LAPTM5: variants seen among roughly 807,000 people sequenced by gnomAD.
LAPTM5 encodes lysosomal protein transmembrane 5.
Under a neutral mutation model 30.1 loss-of-function variants are expected in LAPTM5, and 11 were observed. That is an observed-to-expected ratio of 0.37 (90% CI 0.23 to 0.60). LAPTM5 has a LOEUF of 0.60. LAPTM5 is among the 20% of genes least tolerant of loss of function. The probability of loss-of-function intolerance (pLI) is 0.71; values close to 1 mark genes in which losing one functional copy is unlikely to be tolerated. For missense variants in LAPTM5, 324 were observed against 332.5 expected, an observed-to-expected ratio of 0.97 and a Z score of 0.20; for synonymous variants, 151 against 137.9, an observed-to-expected ratio of 1.10 and a Z score of -0.67.
intron 1 of LAPTM5, among the ~76,000 whole-genome samples, chr1:30,749,679 G>A (rs1336609179): frequency 1.3e-5 from 2 of 152,166 alleles, no homozygotes; most frequent in Non-Finnish European, 2.9e-5. Flanking sequence ...GTAGGGGTCA[G>A]GGCGGGCTTC....
chr1:30,732,869 A>C lies in LAPTM5; in HGVS notation c.*959T>G, dbSNP rs1006819174. 2 of 152,286 alleles carry C rather than the reference A, an allele frequency of 1.3e-5. No individual in the cohort carries two copies. The highest frequency in any genetic ancestry group is 1.5e-5 in the Non-Finnish European group (1 of 68,098). The allele number at this position is 152,286 out of a possible 1,614,324, so 9.4% of individuals were successfully genotyped here. ...GATTCGCCTATGACTGAATCGACTG[A>C]ATGGATGGCCAGCGACAGCCTGGCC... On this transcript the variant is annotated 3_prime_UTR_variant, in exon 8 of 8. Transcript: ENST00000294507.
rs1441083805 is a variant in LAPTM5, at chr1:30,735,321, G to GC, written c.607-57dup. The GC allele has an allele frequency of 7.6e-6, 11 of 1,439,390 alleles. No individual in the cohort carries two copies. In the Admixed American group the frequency reaches 8.4e-5, roughly 11 times the overall value. The allele number at this position is 1,439,390 out of a possible 1,614,324, so 89.2% of individuals were successfully genotyped here. A position where few individuals can be genotyped will look rare whatever the true frequency, so the allele number is the denominator to read the frequency against. ...TGCTGAGCGTCCTTCTCACGCTCCA[G>GC]CAGGCCTAGGACATATGCCAGGCAG... On this transcript the variant is annotated intron_variant, in intron 6 of 7. Transcript: ENST00000294507.
chr1:30,746,224 T>G lies in LAPTM5; in HGVS notation c.88-3675A>C, dbSNP rs1200252809. The G allele has an allele frequency of 2.6e-5, 4 of 152,400 alleles. No individual in the cohort carries two copies. The highest frequency in any genetic ancestry group is 1.9e-4 in the East Asian group (1 of 5,184). The allele number at this position is 152,400 out of a possible 1,614,324, so 9.4% of individuals were successfully genotyped here. On this transcript the variant is annotated intron_variant, in intron 1 of 7. Coordinates refer to ENST00000294507, the MANE Select transcript of LAPTM5 (RefSeq NM_006762.3). The surrounding 1 kb of genome is among the most constrained non-coding windows in gnomAD (Gnocchi z 4.0). ...GACCCTCATTTTCCCCTGGGGCCAT[T>G]GGGATGACAGAACGCAGGAGGGTCA...
rs1352109008 is a variant in LAPTM5 at position 30,738,901 on chromosome 1, C to G, written c.510+39G>C. 7 of 1,573,194 alleles carry G rather than the reference C, an allele frequency of 4.4e-6. No individual in the cohort carries two copies. The South Asian group carries it at 8.1e-5, about 18-fold the overall frequency. On this transcript the variant is annotated intron_variant, in intron 5 of 7. Transcript: ENST00000294507. Reference sequence around the variant, plus strand: ...GTGAAGTAACCTGTTCAAGGCCACACAGCCAGCAAATGGGCATGGTTCCCT... The same window carrying G: ...GTGAAGTAACCTGTTCAAGGCCACAGAGCCAGCAAATGGGCATGGTTCCCT...
At chr1:30,749,635 C>T (rs1557466909) in intron 1 of LAPTM5, among the ~76,000 whole-genome samples, 1 of 152,158 alleles carries the variant, frequency 6.6e-6, no homozygotes, top group African/African-American at 2.4e-5. Flanking sequence ...GCACACAGGG[C>T]TCTGGGTCAA....
intron 1 of LAPTM5, among the ~76,000 whole-genome samples, chr1:30,756,887 G>A (rs1445718651): frequency 6.6e-6 from 1 of 152,184 alleles, no homozygotes; most frequent in Non-Finnish European, 1.5e-5. Flanking sequence ...GACAGTACAA[G>A]GACACTGACC....
At chr1:30,738,741 T>C (rs1286207411) in intron 5 of LAPTM5, among the ~76,000 whole-genome samples, 199 bp downstream of exon 5, 1 of 152,174 alleles carries the variant, frequency 6.6e-6, no homozygotes, top group Non-Finnish European at 1.5e-5. Flanking sequence ...GCTTCCTCCT[T>C]TTCTCGAACC....
chr1:30,756,906 C>T (rs1001108371), intron 1 of LAPTM5, among the ~76,000 whole-genome samples: 3 of 152,172 alleles, frequency 2.0e-5, no homozygotes, highest in Admixed American at 6.5e-5. Context: ...CCCTCAGCCA[C>T]CCCAGGCAGA....
chr1:30,734,372 G>T (rs550600999), intron 7 of LAPTM5, among the ~76,000 whole-genome samples: 76 of 152,282 alleles, frequency 5.0e-4, no homozygotes, highest in African/African-American at 1.8e-3. Context: ...TTTCTGAGAG[G>T]GTGGGATATC....
chr1:30,743,807 T>TTTTG (rs1553127177), intron 1 of LAPTM5, among the ~76,000 whole-genome samples: 3 of 148,650 alleles, frequency 2.0e-5, no homozygotes, highest in Non-Finnish European at 4.5e-5. Context: ...TTTTTTTTTT[T>TTTTG]TTTTTTTTTT....
chr1:30,736,466 C>T (rs1464148717), intron 6 of LAPTM5, among the ~76,000 whole-genome samples: 1 of 152,168 alleles, frequency 6.6e-6, no homozygotes. Context: ...GAGATTCTCA[C>T]TCTGTCGCCT....
chr1:30,742,183 A>G, intron 2 of LAPTM5: 1 of 524,198 alleles, frequency 1.9e-6, no homozygotes, highest in South Asian at 2.1e-5. Context: ...GGCTTTAAGC[A>G]GAAGAGTGAG....
intron 1 of LAPTM5, among the ~76,000 whole-genome samples, chr1:30,749,710 A>G (rs1487756139): frequency 2.6e-5 from 4 of 152,132 alleles, no homozygotes; most frequent in Non-Finnish European, 4.4e-5. Flanking sequence ...TGGATCTTGA[A>G]GAAGATTCCC....
intron 6 of LAPTM5, 51 bp downstream of exon 6, chr1:30,737,553 C>T (rs1369551150): frequency 1.4e-6 from 2 of 1,401,782 alleles, no homozygotes; most frequent in South Asian, 1.2e-5. Context: ...GGCCTGGGCC[C>T]AGCACAGCCT....
At chr1:30,741,378 C>A (rs1348586001) in intron 3 of LAPTM5, among the ~76,000 whole-genome samples, 1 of 152,236 alleles carries the variant, frequency 6.6e-6, no homozygotes, top group Non-Finnish European at 1.5e-5. Flanking sequence ...TCAGCTAGTT[C>A]TCACCAAAGT....
intron 6 of LAPTM5, 136 bp from the exon 7 acceptor site, chr1:30,735,401 A>C: frequency 1.4e-6 from 1 of 708,092 alleles, no homozygotes; most frequent in Non-Finnish European, 2.5e-6. Context: ...CGGACCTCTC[A>C]TTCTGGTTGG....
intron 1 of LAPTM5, among the ~76,000 whole-genome samples, chr1:30,745,641 C>T (rs1042104816): frequency 5.9e-5 from 9 of 152,204 alleles, no homozygotes; most frequent in African/African-American, 2.2e-4. Flanking sequence ...AGTCACAGAG[C>T]GAGGCAACCT....
At chr1:30,755,503 AC>A (rs750430417) in intron 1 of LAPTM5, among the ~76,000 whole-genome samples, 29 of 151,560 alleles carry the variant, frequency 1.9e-4, no homozygotes, top group Non-Finnish European at 3.7e-4. Context: ...GTTTCTCCTC[AC>A]CTTCCATACT....
intron 1 of LAPTM5, among the ~76,000 whole-genome samples, chr1:30,745,599 C>T (rs573171310): frequency 2.6e-5 from 4 of 152,348 alleles, no homozygotes; most frequent in South Asian, 2.1e-4. Flanking sequence ...GGATGGCTCA[C>T]GAGACTCATA....
Sources: allele counts gnomAD v4.1 joint callset (sites outside exome capture counted in the v4.1 genomes callset), GRCh38; gene constraint gnomAD v4.1.1; non-coding constraint Gnocchi (gnomAD v3.1); transcripts MANE v1.5; gene names NCBI Gene and HGNC (gene_info 2026-07-23, HGNC 2026-07-21).